The following ADAM18 variants were observed in gnomAD, a reference collection of about 807,000 sequenced individuals.
ADAM18 encodes the protein ADAM metallopeptidase domain 18.
Under a neutral mutation model 94.4 loss-of-function variants are expected in ADAM18, and 117 were observed. The ratio of observed to expected loss-of-function variants is 1.24; its 90% CI spans 1.07 to 1.45. The LOEUF is 1.45. ADAM18 is among the 40% of genes most tolerant of loss of function. The pLI is 0.00. For missense variants in ADAM18, 936 were observed against 880.0 expected (o/e 1.06, Z -0.81); for synonymous variants, 327 against 291.6 (o/e 1.12, Z -1.24).
At chr8:39,606,238 G>A (rs1479181221) in intron 2 of ADAM18, 69 bp from the exon 3 acceptor site, 1 of 823,012 alleles carries the variant, frequency 1.2e-6, no homozygotes, top group East Asian at 2.9e-5. Context: ...TATTAACTTG[G>A]ATGAATATTG....
At chr8:39,688,610 C>T (rs1413813106) in intron 16 of ADAM18, among the ~76,000 whole-genome samples, 2 of 152,132 alleles carry the variant, frequency 1.3e-5, no homozygotes, top group African/African-American at 2.4e-5. Flanking sequence ...ATATGTAGCA[C>T]ATTTTCTTTA....
intron 17 of ADAM18, among the ~76,000 whole-genome samples, chr8:39,696,195 T>A (rs992526437): frequency 6.6e-6 from 1 of 151,484 alleles, no homozygotes; most frequent in African/African-American, 2.4e-5. Context: ...TACCTTTAGA[T>A]GATTTTCTAT....
chr8:39,660,345 C>T (rs1820803002), intron 12 of ADAM18, among the ~76,000 whole-genome samples: 1 of 152,036 alleles, frequency 6.6e-6, no homozygotes, highest in Non-Finnish European at 1.5e-5. Flanking sequence ...TTATATGCTA[C>T]ATCCAGGAGC....
intron 18 of ADAM18, among the ~76,000 whole-genome samples, chr8:39,712,039 C>CG (rs151124911): frequency 4.2e-5 from 6 of 142,928 alleles, no homozygotes; most frequent in African/African-American, 7.8e-5. Context: ...AAGGCCCCCC[C>CG]CCGAGAAAAA....
rs559995330 is a variant in ADAM18, at chr8:39,638,216, C to A, written c.828-249C>A. Among the ~76,000 whole-genome samples, 3 of 151,420 alleles carry A rather than the reference C, an allele frequency of 2.0e-5. No homozygotes were observed. In the South Asian group the frequency reaches 6.3e-4, roughly 32 times the overall value. ...TGAATTTGAGCTAATAAAATTATAT[C>A]CATTTTAGGAGATATACAAGGAAAT... On this transcript the variant is annotated intron_variant, in intron 9 of 19. Transcript: ENST00000265707.
intron 10 of ADAM18, among the ~76,000 whole-genome samples, chr8:39,642,966 G>C (rs1820276074): frequency 6.6e-6 from 1 of 152,090 alleles, no homozygotes; most frequent in Admixed American, 6.6e-5. Context: ...TTTTTGAACA[G>C]TGGTTTGTGA....
intron 13 of ADAM18, 146 bp from the exon 14 acceptor site, chr8:39,667,852 T>G (rs1045864338): frequency 2.7e-6 from 2 of 736,548 alleles, no homozygotes. Context: ...TGTATTTGAT[T>G]TTTTTTGGCA....
intron 18 of ADAM18, among the ~76,000 whole-genome samples, chr8:39,709,723 G>A (rs1166899595): frequency 1.3e-5 from 2 of 152,212 alleles, no homozygotes; most frequent in African/African-American, 4.8e-5. Context: ...GTTTGGTGAT[G>A]TGAGTCTTAA....
At chr8:39,722,591 A>G (rs556261363) in intron 18 of ADAM18, among the ~76,000 whole-genome samples, 1 of 151,572 alleles carries the variant, frequency 6.6e-6, no homozygotes, top group South Asian at 2.1e-4. Context: ...CACTATTCCG[A>G]TGATAGGTAC....
chr8:39,616,688 C>T (rs746629670), intron 6 of ADAM18, among the ~76,000 whole-genome samples: 27 of 152,100 alleles, frequency 1.8e-4, no homozygotes, highest in South Asian at 1.0e-3. Flanking sequence ...CCAAATGGAA[C>T]AGGTTAGAAC....
chr8:39,670,295 A>C (rs1236324198), intron 14 of ADAM18, among the ~76,000 whole-genome samples: 1 of 152,128 alleles, frequency 6.6e-6, no homozygotes, highest in African/African-American at 2.4e-5. Flanking sequence ...TAGGATCTCC[A>C]AAAAACTAGT....
chr8:39,693,442 T>G lies in ADAM18; in HGVS notation c.1902+762T>G, dbSNP rs536924168. On this transcript the variant is annotated intron_variant, in intron 17 of 19. Coordinates refer to ENST00000265707, the MANE Select transcript of ADAM18 (RefSeq NM_014237.3). ...TAATTTTTGGCTTGAATTTTTTACT[T>G]CCTCTGTTACATTTTAGTTCTTCAG... is the stretch of plus-strand genomic sequence containing the variant. Among the ~76,000 whole-genome samples, 68 of 151,438 alleles carry G rather than the reference T, an allele frequency of 4.5e-4. No homozygotes were observed. The South Asian group carries it at 0.014, about 31-fold the overall frequency.
chr8:39,724,805 T>C (rs767012854), intron 19 of ADAM18, among the ~76,000 whole-genome samples: 1 of 152,008 alleles, frequency 6.6e-6, no homozygotes, highest in Non-Finnish European at 1.5e-5. Flanking sequence ...ATTCTTCCCT[T>C]GGACTCATAC....
intron 13 of ADAM18, among the ~76,000 whole-genome samples, chr8:39,665,023 A>T (rs1163472404): frequency 6.6e-6 from 1 of 152,148 alleles, no homozygotes; most frequent in African/African-American, 2.4e-5. Context: ...TAAGCTTATA[A>T]CTAGCATCAT....
At chr8:39,670,918 G>T (rs1192299898) in intron 14 of ADAM18, among the ~76,000 whole-genome samples, 4 of 152,190 alleles carry the variant, frequency 2.6e-5, no homozygotes, top group African/African-American at 7.2e-5. Flanking sequence ...ACAAAAGTCT[G>T]CCTCTTTTGG....
At chr8:39,660,488 C>T (rs1820806601) in intron 12 of ADAM18, among the ~76,000 whole-genome samples, 1 of 152,082 alleles carries the variant, frequency 6.6e-6, no homozygotes, top group African/African-American at 2.4e-5. Flanking sequence ...AAGTGGAAAA[C>T]AGTCACAAGA....
chr8:39,724,482 T>C (rs1272012131), intron 19 of ADAM18, among the ~76,000 whole-genome samples: 2 of 151,904 alleles, frequency 1.3e-5, no homozygotes, highest in Non-Finnish European at 2.9e-5. Context: ...TAAAGGTTTG[T>C]TAATTTTGCT....
At chr8:39,699,836 G>A (rs1822015956) in intron 17 of ADAM18, among the ~76,000 whole-genome samples, 1 of 152,136 alleles carries the variant, frequency 6.6e-6, no homozygotes, top group East Asian at 1.9e-4. Flanking sequence ...AGGCAGCAAT[G>A]ATGATTAGAA....
intron 10 of ADAM18, 48 bp from the exon 11 acceptor site, chr8:39,645,288 ACT>A: frequency 5.5e-6 from 8 of 1,465,786 alleles, no homozygotes; most frequent in Non-Finnish European, 6.6e-6. Context: ...TCAAGTTATT[ACT>A]TTTATTTTCA....
Sources: allele counts gnomAD v4.1 joint callset (sites outside exome capture counted in the v4.1 genomes callset), GRCh38; gene constraint gnomAD v4.1.1; transcripts MANE v1.5; gene names NCBI Gene and HGNC (gene_info 2026-07-23, HGNC 2026-07-21).